Variants in SH3RF3 observed in about 807,000 individuals in gnomAD.
SH3RF3 encodes the protein E3 ubiquitin-protein ligase SH3RF3.
Under a neutral mutation model 66.3 loss-of-function variants are expected in SH3RF3, and 29 were observed. The ratio of observed to expected loss-of-function variants is 0.44; its 90% confidence interval spans 0.33 to 0.60. SH3RF3 has a LOEUF of 0.60. Among genes scored for constraint, SH3RF3 ranks in the 20% least tolerant of loss-of-function variants. The pLI is 0.04. For synonymous variants in SH3RF3, 583 were observed against 532.0 expected (o/e 1.10, Z -1.32); for missense variants, 1,194 against 1,190.9 (o/e 1.00, Z -0.04).
intron 1 of SH3RF3, among the ~76,000 whole-genome samples, chr2:109,171,912 G>A (rs1677792103): frequency 6.6e-6 from 1 of 152,270 alleles, no homozygotes. Flanking sequence ...TAAAGGGCAT[G>A]CATGTGCCGA....
chr2:109,145,351 G>A (rs972221259), intron 1 of SH3RF3, among the ~76,000 whole-genome samples: 2 of 152,154 alleles, frequency 1.3e-5, no homozygotes, highest in African/African-American at 2.4e-5. Flanking sequence ...GCAGTCCCAT[G>A]GCCCTGCTCA....
intron 1 of SH3RF3, among the ~76,000 whole-genome samples, chr2:109,201,974 A>G (rs963953416): frequency 6.6e-6 from 1 of 152,222 alleles, no homozygotes; most frequent in African/African-American, 2.4e-5. Flanking sequence ...AATTAAAGTA[A>G]CCTGTAATAT....
rs570583346 is a variant in SH3RF3 at position 109,214,440 on chromosome 2, T to TA, written c.573+84330dup. ...CACTGTGTACATGTACCCTAGAACTTAAAGTATTAAAAAAAAAGAGTCATA... is the reference window on the plus strand; with the variant it reads ...CACTGTGTACATGTACCCTAGAACTTAAAAGTATTAAAAAAAAAGAGTCATA... On this transcript the variant is annotated intron_variant, in intron 1 of 9. Coordinates refer to ENST00000309415, the MANE Select transcript of SH3RF3 (RefSeq NM_001099289.3). Among the ~76,000 whole-genome samples, 8 of 140,866 alleles carry TA rather than the reference T, an allele frequency of 5.7e-5. No individual in the cohort carries two copies. The South Asian group carries it at 1.6e-3, about 28-fold the overall frequency. 92.4% of individuals were successfully genotyped at this position (140,866 alleles called of 152,430 possible).
intron 1 of SH3RF3, among the ~76,000 whole-genome samples, chr2:109,254,722 T>C (rs1680177652): frequency 6.6e-6 from 1 of 152,128 alleles, no homozygotes; most frequent in South Asian, 2.1e-4. Context: ...TGCCAGCCGC[T>C]CCCATGAGAG....
At chr2:109,376,368 C>T (rs1177994178) in intron 3 of SH3RF3, among the ~76,000 whole-genome samples, 1 of 152,188 alleles carries the variant, frequency 6.6e-6, no homozygotes, top group Non-Finnish European at 1.5e-5. Context: ...AAGGAATCAG[C>T]TCGGGTTGGA....
intron 1 of SH3RF3, among the ~76,000 whole-genome samples, chr2:109,144,873 G>A (rs1370452248): frequency 1.3e-5 from 2 of 152,236 alleles, no homozygotes; most frequent in South Asian, 2.1e-4. Flanking sequence ...AATAGGCCTC[G>A]CTCAGCAAGC....
intron 8 of SH3RF3, among the ~76,000 whole-genome samples, chr2:109,452,914 T>TGCCA (rs1365156233): frequency 6.8e-6 from 1 of 147,770 alleles, no homozygotes; most frequent in Admixed American, 6.7e-5. Flanking sequence ...GGGAGGCTGG[T>TGCCA]GCCAGGAGGC....
intron 1 of SH3RF3, among the ~76,000 whole-genome samples, chr2:109,230,135 T>C (rs2105181743): frequency 6.6e-6 from 1 of 152,286 alleles, no homozygotes; most frequent in South Asian, 2.1e-4. Context: ...ATTTTTTTTT[T>C]CTTCTTAAGG....
chr2:109,469,524 G>A (rs1008028702), intron 8 of SH3RF3, among the ~76,000 whole-genome samples: 1 of 152,110 alleles, frequency 6.6e-6, no homozygotes, highest in Non-Finnish European at 1.5e-5. Context: ...TTTCATCAAA[G>A]CACAAAACTT....
chr2:109,229,826 CTTTTTTTT>C (rs35149686), intron 1 of SH3RF3, among the ~76,000 whole-genome samples: 2 of 130,000 alleles, frequency 1.5e-5, no homozygotes, highest in Non-Finnish European at 3.3e-5. Flanking sequence ...CTTTTTCTTT[CTTTTTTTT>C]TTTTTTTTGA....
At chr2:109,499,208 G>A (rs12233021) in intron 9 of SH3RF3, among the ~76,000 whole-genome samples, 57,499 of 151,914 alleles carry the variant, frequency 0.38, 11,195 homozygotes, top group Admixed American at 0.53. Flanking sequence ...CGCGGGGGCC[G>A]TGTCTCCTAG....
In SH3RF3 at chr2:109,502,423, C is replaced by A. The variant is rs1679414068; in HGVS notation, c.*752C>A. On this transcript the variant is annotated 3_prime_UTR_variant, in exon 10 of 10. Transcript: ENST00000309415. ...CATCTGGTGCTGCCTTTTTGTAAAA[C>A]TAATAATGACTTGGTTGAGCTTGAA... 6.6e-6 allele frequency: 1 copy of A among 152,190 alleles called. No homozygotes were observed. Among genetic ancestry groups the A allele is most frequent in the African/African-American group, 2.4e-5 (1 of 41,432 alleles). The allele number at this position is 152,190 out of a possible 1,614,324, so 9.4% of individuals were successfully genotyped here.
At chr2:109,351,592 C>T (rs978578502) in intron 2 of SH3RF3, among the ~76,000 whole-genome samples, 15 of 152,262 alleles carry the variant, frequency 9.9e-5, no homozygotes, top group African/African-American at 3.4e-4. Context: ...ATTTGCTATG[C>T]AGGGCCCACG....
At chr2:109,484,035 G>A (rs776622884) in intron 8 of SH3RF3, among the ~76,000 whole-genome samples, 1 of 148,920 alleles carries the variant, frequency 6.7e-6, no homozygotes, top group Non-Finnish European at 1.5e-5. Flanking sequence ...GTTGGCCCTA[G>A]AGGCACCAAG....
At chr2:109,475,912 C>A (rs556435613) in intron 8 of SH3RF3, among the ~76,000 whole-genome samples, 2 of 152,308 alleles carry the variant, frequency 1.3e-5, no homozygotes, top group African/African-American at 4.8e-5. Context: ...ACGAGCTTCA[C>A]CTTCATCAAC....
intron 1 of SH3RF3, among the ~76,000 whole-genome samples, chr2:109,207,649 T>C (rs1678872589): frequency 6.6e-6 from 1 of 152,198 alleles, no homozygotes; most frequent in African/African-American, 2.4e-5. Flanking sequence ...AGTTGCTGTA[T>C]GATGTAAGGT....
At position 109,449,200 on chromosome 2, in the gene SH3RF3, G is replaced by A. The variant is rs376984287; in HGVS notation, c.1859G>A (p.Arg620Gln). 40 of 1,613,536 alleles carry A rather than the reference G, an allele frequency of 2.5e-5. No homozygotes were observed. Among genetic ancestry groups the A allele is most frequent in the East Asian group, 8.9e-5 (4 of 44,862 alleles). The change falls in exon 8 of 10, where the codon CGG becomes CAG. Residue 620 changes from arginine (R) to glutamine (Q), a missense_variant. Physicochemically the swap from Arg to Gln is conservative, Grantham distance 43 (BLOSUM62 1). Transcript: ENST00000309415. The stretch of plus-strand genomic sequence containing the variant: ...CACTCTGCAGCCCAGGCTCAGGACC[G>A]GCCAACTGCCACCGTGTCACCCCTG... ...AAHSAAQAQD[R>Q]PTATVSPLRT...
intron 3 of SH3RF3, among the ~76,000 whole-genome samples, chr2:109,398,363 G>C (rs1676207927): frequency 6.6e-6 from 1 of 152,166 alleles, no homozygotes; most frequent in Non-Finnish European, 1.5e-5. Flanking sequence ...CTTTCTCTAT[G>C]AGTCCCCTCT....
chr2:109,214,447 T>C (rs1482475295), intron 1 of SH3RF3, among the ~76,000 whole-genome samples: 2 of 145,126 alleles, frequency 1.4e-5, no homozygotes, highest in Non-Finnish European at 3.0e-5. Flanking sequence ...ACTTAAAGTA[T>C]TAAAAAAAAA....
Sources: gnomAD v4.1 joint callset for allele counts (sites outside exome capture counted in the v4.1 genomes callset) on GRCh38, gnomAD v4.1.1 for gene constraint, MANE v1.5 for transcripts, NCBI Gene and HGNC (gene_info 2026-07-23, HGNC 2026-07-21) for gene names.